UGT1A10: variants seen among roughly 807,000 people sequenced by gnomAD.
UGT1A10 encodes UDP glucuronosyltransferase family 1 member A10.
UGT1A10 carries 49 observed loss-of-function variants against 45.8 expected under a neutral mutation model. That is an observed-to-expected ratio of 1.07 (90% CI 0.85 to 1.36). The LOEUF (loss-of-function observed/expected upper bound fraction) is 1.36. UGT1A10 is among the 40% of genes most tolerant of loss of function. The pLI, the probability that UGT1A10 is intolerant of heterozygous loss-of-function variation, is 0.00. For synonymous variants in UGT1A10, 284 were observed against 249.7 expected (o/e 1.14, Z -1.29); for missense variants, 745 against 668.6 (o/e 1.11, Z -1.26).
chr2:233,699,054 A>T (rs561736764), intron 1 of UGT1A10, among the ~76,000 whole-genome samples: 1 of 152,280 alleles, frequency 6.6e-6, no homozygotes, highest in East Asian at 1.9e-4. Flanking sequence ...GAAACAACTT[A>T]TCCCAGCCCT....
intron 1 of UGT1A10, chr2:233,742,861 T>TAG (rs1692120681): frequency 6.2e-6 from 1 of 162,394 alleles, no homozygotes; most frequent in Admixed American, 5.8e-5. Context: ...TCAAATGATT[T>TAG]AGAGCAAACC....
At chr2:233,743,984 C>A in intron 1 of UGT1A10, 1 of 1,291,724 alleles carries the variant, frequency 7.7e-7, no homozygotes, top group South Asian at 1.3e-5. Context: ...CACCCAGGCG[C>A]AGGCCCGAGT....
At chr2:233,730,740 A>G (rs1421487405) in intron 1 of UGT1A10, among the ~76,000 whole-genome samples, 1 of 152,154 alleles carries the variant, frequency 6.6e-6, no homozygotes, top group East Asian at 1.9e-4. Context: ...GGAAGGGGCT[A>G]GGGAGGAGAT....
chr2:233,760,971 C>T (rs773436128), intron 1 of UGT1A10: 1 of 1,614,154 alleles, frequency 6.2e-7, no homozygotes, highest in South Asian at 1.1e-5. Context: ...TGGTTTATTC[C>T]CCGTATGCAA....
At chr2:233,642,316 A>G (rs1213046039) in intron 1 of UGT1A10, among the ~76,000 whole-genome samples, 2 of 152,110 alleles carry the variant, frequency 1.3e-5, no homozygotes, top group African/African-American at 4.8e-5. Flanking sequence ...TGCATTCTTC[A>G]TTATGCCGAT....
Position 233,690,571 on chromosome 2 carries a change from C to T in UGT1A10, c.855+53194C>T. The T allele has an allele frequency of 2.3e-6, 3 of 1,288,856 alleles. 1 individual carries two copies. The African/African-American group carries it at 4.6e-5, about 20-fold the overall frequency. The allele number at this position is 1,288,856 out of a possible 1,614,324, so 79.8% of individuals were successfully genotyped here. A position where few individuals can be genotyped will look rare whatever the true frequency, so the allele number is the denominator to read the frequency against. On this transcript the variant is annotated intron_variant, in intron 1 of 4. Transcript: ENST00000344644. ...TATGTCCCAAGCCTGAGTCATTCAGCCTGCAGCAATCCCTGAGAAAAAAAA... is the reference window on the plus strand; with the variant it reads ...TATGTCCCAAGCCTGAGTCATTCAGTCTGCAGCAATCCCTGAGAAAAAAAA...
intron 1 of UGT1A10, chr2:233,713,483 C>T: frequency 3.7e-6 from 6 of 1,613,990 alleles, no homozygotes; most frequent in South Asian, 1.1e-5. Context: ...TGGCTAAGTA[C>T]CTGTCGATTC....
intron 1 of UGT1A10, among the ~76,000 whole-genome samples, chr2:233,696,185 A>G (rs1559348425): frequency 6.6e-6 from 1 of 152,248 alleles, no homozygotes; most frequent in Non-Finnish European, 1.5e-5. Flanking sequence ...TTGAAGAGCT[A>G]TCTGCACTCC....
chr2:233,716,908 C>G (rs1308471683), intron 1 of UGT1A10, among the ~76,000 whole-genome samples: 2 of 152,142 alleles, frequency 1.3e-5, no homozygotes, highest in Non-Finnish European at 2.9e-5. Context: ...TCTCCAGACC[C>G]TGGAAGCTGA....
Position 233,682,320 on chromosome 2 carries a change from T to C in UGT1A10, c.855+44943T>C, listed in dbSNP as rs763345749. ...TTTTTTTCAAATTGCAGGAGTTTGT[T>C]TAATGACCGAAAATTAGTAGAATAC... On this transcript the variant is annotated intron_variant, in intron 1 of 4. Transcript: ENST00000344644. 5.6e-6 allele frequency: 9 copies of C among 1,614,156 alleles called. No homozygotes were observed. The South Asian group carries it at 8.8e-5, about 16-fold the overall frequency.
intron 1 of UGT1A10, chr2:233,760,671 C>T: frequency 6.2e-7 from 1 of 1,614,146 alleles, no homozygotes; most frequent in Non-Finnish European, 8.5e-7. Context: ...CTGGCTGTTC[C>T]CACTTACTGC....
intron 1 of UGT1A10, 137 bp downstream of exon 1, chr2:233,637,514 C>T (rs1028353222): frequency 1.5e-5 from 22 of 1,463,516 alleles, no homozygotes; most frequent in Middle Eastern, 1.8e-4. Context: ...TTATTTTGTG[C>T]GAATTCATGT....
chr2:233,765,712 T>A (rs1046504378), intron 1 of UGT1A10, among the ~76,000 whole-genome samples: 5 of 111,216 alleles, frequency 4.5e-5, no homozygotes, highest in Non-Finnish European at 8.4e-5. Context: ...TAATAATAAT[T>A]AATAATAATA....
chr2:233,769,824 C>A lies in UGT1A10; in HGVS notation c.1295+1385C>A. On this transcript the variant is annotated intron_variant, in intron 4 of 4. Transcript: ENST00000344644. This position sits in a 1 kb window ranked among gnomAD's most constrained non-coding sequence, Gnocchi z 4.4. The stretch of plus-strand genomic sequence containing the variant: ...GAGCCGTGATCATGCCACTGCACTC[C>A]AGCAACCTGGGCAACAGAGTGAGAC... 2 of 763,338 alleles carry A rather than the reference C, an allele frequency of 2.6e-6. No homozygotes were observed. The highest frequency in any genetic ancestry group is 3.7e-6 in the Non-Finnish European group (2 of 534,878). The allele number at this position is 763,338 out of a possible 1,614,324, so 47.3% of individuals were successfully genotyped here. A position where few individuals can be genotyped will look rare whatever the true frequency, so the allele number is the denominator to read the frequency against.
intron 1 of UGT1A10, among the ~76,000 whole-genome samples, chr2:233,737,637 G>T (rs1475956364): frequency 6.6e-6 from 1 of 152,182 alleles, no homozygotes; most frequent in Non-Finnish European, 1.5e-5. Context: ...CATCTTCTGC[G>T]TCGATCATGC....
At chr2:233,738,656 G>A (rs1275233800) in intron 1 of UGT1A10, among the ~76,000 whole-genome samples, 1 of 152,108 alleles carries the variant, frequency 6.6e-6, no homozygotes, top group Non-Finnish European at 1.5e-5. Context: ...TTGGAACTAC[G>A]AACTTGAGAG....
rs1407521990 is a variant in UGT1A10 at position 233,743,186 on chromosome 2, A to T, written c.856-23848A>T. On this transcript the variant is annotated intron_variant, in intron 1 of 4. Coordinates refer to ENST00000344644, the MANE Select transcript of UGT1A10 (RefSeq NM_019075.4). ...GTGCTTAAAGTCAAATGTGGACTGG[A>T]ATTACTTGGTGTCAATGCGGAGTAA... 4.3e-5 allele frequency: 16 copies of T among 372,810 alleles called. No individual in the cohort carries two copies. The East Asian group carries it at 1.2e-3, about 27-fold the overall frequency. The allele number at this position is 372,810 out of a possible 1,614,324, so 23.1% of individuals were successfully genotyped here.
chr2:233,682,636 A>C, intron 1 of UGT1A10: 1 of 1,613,894 alleles, frequency 6.2e-7, no homozygotes, highest in Non-Finnish European at 8.5e-7. Context: ...TAGCCTCTGA[A>C]ATTCTCCAAA....
rs1350270227 is a variant in UGT1A10 at position 233,745,087 on chromosome 2, TC to T, written c.856-21941del. On this transcript the variant is annotated intron_variant, in intron 1 of 4. Transcript: ENST00000344644. Reference sequence around the variant, plus strand: ...ATTTGTATTGTTTTTTCATTGCTCTTCCCCCCAAATATTTTTAATCTGCTGT... The same window carrying T: ...ATTTGTATTGTTTTTTCATTGCTCTTCCCCCAAATATTTTTAATCTGCTGT... 1.1e-4 allele frequency among the ~76,000 whole-genome samples: 17 copies of T among 151,820 alleles called. 1 individual carries two copies. Among genetic ancestry groups the T allele is most frequent in the African/African-American group, 4.1e-4 (17 of 41,100 alleles).
Sources: allele counts gnomAD v4.1 joint callset (sites outside exome capture counted in the v4.1 genomes callset), GRCh38; gene constraint gnomAD v4.1.1; non-coding constraint Gnocchi (gnomAD v3.1); transcripts MANE v1.5; gene names NCBI Gene and HGNC (gene_info 2026-07-23, HGNC 2026-07-21).